Variants in PRKG1 observed in about 807,000 individuals in gnomAD.
PRKG1 encodes cGMP-dependent protein kinase 1.
A neutral mutation model predicts 88.1 loss-of-function variants in PRKG1; 35 were observed. That is an observed-to-expected ratio of 0.40 (90% CI 0.30 to 0.53). The LOEUF (loss-of-function observed/expected upper bound fraction) is 0.53. PRKG1 is among the 20% of genes least tolerant of loss of function. The probability of loss-of-function intolerance (pLI) is 0.59; values close to 1 mark genes in which losing one functional copy is unlikely to be tolerated. For missense variants in PRKG1, 540 were observed against 839.8 expected (o/e 0.64, Z 4.41); for synonymous variants, 303 against 292.5 (o/e 1.04, Z -0.37).
intron 2 of PRKG1, among the ~76,000 whole-genome samples, chr10:51,225,334 C>T (rs1383043786): frequency 6.6e-6 from 1 of 152,128 alleles, no homozygotes; most frequent in Non-Finnish European, 1.5e-5. Context: ...TCCCGAAGAC[C>T]CTGCCTCCTA....
Position 51,401,773 on chromosome 10 carries a change from G to C in PRKG1, c.479-65950G>C, listed in dbSNP as rs528197635. On this transcript the variant is annotated intron_variant, in intron 2 of 17. Coordinates refer to ENST00000373980, the MANE Select transcript of PRKG1 (RefSeq NM_006258.4). ...AAGAGTTTATAAAAGGAACCAGGAA[G>C]TGTTTATCCATGATGCTTAAAACAC... Among the ~76,000 whole-genome samples the C allele has an allele frequency of 2.6e-5, 4 of 152,250 alleles. No homozygotes were observed. The East Asian group carries it at 7.7e-4, about 29-fold the overall frequency.
intron 3 of PRKG1, among the ~76,000 whole-genome samples, chr10:51,487,281 T>C (rs1317911129): frequency 6.6e-6 from 1 of 152,196 alleles, no homozygotes; most frequent in East Asian, 1.9e-4. Flanking sequence ...TAATCTGACA[T>C]ATTTCTGCTA....
intron 1 of PRKG1, among the ~76,000 whole-genome samples, chr10:51,053,778 GT>G (rs66475706): frequency 0.57 from 82,646 of 144,864 alleles, 23,317 homozygotes; most frequent in South Asian, 0.67. Context: ...GGTTTTTTTT[GT>G]TTTTTTTTTT....
chr10:51,193,585 C>T (rs1837685652), intron 2 of PRKG1, among the ~76,000 whole-genome samples: 1 of 151,938 alleles, frequency 6.6e-6, no homozygotes, highest in African/African-American at 2.4e-5. Flanking sequence ...AAGGGAGCTC[C>T]TGTATGAAAT....
chr10:52,038,940 AAG>A (rs1364126729), intron 5 of PRKG1, among the ~76,000 whole-genome samples: 1 of 152,160 alleles, frequency 6.6e-6, no homozygotes, highest in Non-Finnish European at 1.5e-5. Flanking sequence ...GAGGTTGGAG[AAG>A]AGAGTAAGAA....
At chr10:51,259,994 T>C (rs941725602) in intron 2 of PRKG1, among the ~76,000 whole-genome samples, 1 of 152,230 alleles carries the variant, frequency 6.6e-6, no homozygotes, top group Admixed American at 6.5e-5. Context: ...TTCTGTACAT[T>C]GGTGTTTTTC....
intron 1 of PRKG1, among the ~76,000 whole-genome samples, chr10:51,002,061 C>T (rs781595598): frequency 6.6e-6 from 1 of 151,782 alleles, no homozygotes; most frequent in Non-Finnish European, 1.5e-5. Flanking sequence ...GTACAGTTTG[C>T]ATGGAGAGTT....
chr10:51,200,726 G>C (rs1837892208), intron 2 of PRKG1, among the ~76,000 whole-genome samples: 2 of 152,112 alleles, frequency 1.3e-5, no homozygotes, highest in Admixed American at 1.3e-4. Context: ...ATTTTTATTA[G>C]AGCTTTTAAA....
At chr10:51,861,128 A>C (rs1484636079) in intron 4 of PRKG1, among the ~76,000 whole-genome samples, 1 of 152,198 alleles carries the variant, frequency 6.6e-6, no homozygotes, top group Non-Finnish European at 1.5e-5. Flanking sequence ...TACTCATTGA[A>C]CATCACACAG....
intron 2 of PRKG1, among the ~76,000 whole-genome samples, chr10:51,356,853 C>T (rs1409284208): frequency 6.6e-6 from 1 of 151,972 alleles, no homozygotes; most frequent in Middle Eastern, 3.2e-3. Flanking sequence ...ATACCTCTAT[C>T]GCTGAACTAT....
intron 3 of PRKG1, among the ~76,000 whole-genome samples, chr10:51,479,124 C>T (rs1343789561): frequency 2.0e-5 from 3 of 150,294 alleles, no homozygotes; most frequent in Admixed American, 2.0e-4. Flanking sequence ...CTTTTTTTTT[C>T]AATCAGAAAA....
rs149710600 is a variant in PRKG1, at chr10:52,280,851, A to T, written c.1466A>T (p.Tyr489Phe). ...YTACVVEAFA[Y>F]LHSKGIIYRD... ...GCATGTGTGGTAGAAGCTTTTGCCT[A>T]TCTGCATTCCAAAGGAATCATTTAC... Residue 489 changes from tyrosine (Y) to phenylalanine (F), a missense_variant, in exon 13 of 18, where the codon TAT (tyrosine) becomes TTT (phenylalanine). By Grantham distance (22) the Tyr-to-Phe change is conservative. This residue lies in a region of PRKG1 where 400 missense variants were observed against 562.7 expected (regional missense o/e 0.71). Coordinates refer to ENST00000373980, the MANE Select transcript of PRKG1 (RefSeq NM_006258.4). The T allele has an allele frequency of 3.7e-4, 591 of 1,613,394 alleles. No homozygotes were observed. The highest frequency in any genetic ancestry group is 4.8e-4 in the Non-Finnish European group (569 of 1,179,492).
chr10:51,162,589 G>T (rs1347165640), intron 2 of PRKG1, among the ~76,000 whole-genome samples: 1 of 152,168 alleles, frequency 6.6e-6, no homozygotes, highest in African/African-American at 2.4e-5. Context: ...TTACATTAAT[G>T]ATTTGTGTAG....
chr10:51,697,548 A>T, intron 3 of PRKG1: 3 of 798,034 alleles, frequency 3.8e-6, no homozygotes, highest in South Asian at 1.9e-5. Context: ...AGGAAAACAG[A>T]AAGAAAGAAA....
chr10:51,984,979 A>G (rs1844115666), intron 5 of PRKG1, among the ~76,000 whole-genome samples: 1 of 152,178 alleles, frequency 6.6e-6, no homozygotes, highest in Non-Finnish European at 1.5e-5. Context: ...TGAAAAGAAG[A>G]AAAGTTGCAT....
chr10:51,412,383 G>A (rs1838118799), intron 2 of PRKG1, among the ~76,000 whole-genome samples: 1 of 151,986 alleles, frequency 6.6e-6, no homozygotes, highest in Non-Finnish European at 1.5e-5. Flanking sequence ...AGTGTCTCAC[G>A]CCTGGAATCC....
intron 2 of PRKG1, among the ~76,000 whole-genome samples, chr10:51,426,230 G>A (rs555946363): frequency 5.3e-5 from 8 of 152,094 alleles, no homozygotes; most frequent in African/African-American, 1.4e-4. Context: ...GCAGGGAGCC[G>A]AGATCATGCG....
chr10:51,824,200 T>G (rs1315159009), intron 4 of PRKG1, among the ~76,000 whole-genome samples: 1 of 152,182 alleles, frequency 6.6e-6, no homozygotes, highest in African/African-American at 2.4e-5. Flanking sequence ...TATATCCATA[T>G]GATAAATTCC....
At chr10:51,949,514 G>A (rs2133049728) in intron 5 of PRKG1, among the ~76,000 whole-genome samples, 1 of 151,850 alleles carries the variant, frequency 6.6e-6, no homozygotes, top group South Asian at 2.1e-4. Context: ...GAGTAGAAGA[G>A]CATCATATGT....
Sources: gnomAD v4.1 joint callset for allele counts (sites outside exome capture counted in the v4.1 genomes callset) on GRCh38, gnomAD v4.1.1 for gene constraint, gnomAD v4.1.1 regional missense constraint, MANE v1.5 for transcripts, NCBI Gene and HGNC (gene_info 2026-07-23, HGNC 2026-07-21) for gene names.